The following GJC1 variants were observed in gnomAD, a reference collection of about 807,000 sequenced individuals.
GJC1 encodes gap junction protein gamma 1.
A neutral mutation model predicts 29.3 loss-of-function variants in GJC1; 5 were observed. The ratio of observed to expected loss-of-function variants is 0.17; its 90% CI spans 0.09 to 0.36. GJC1 has a LOEUF of 0.36. GJC1 is among the 10% of genes least tolerant of loss of function. The probability of loss-of-function intolerance (pLI) is 1.00; values close to 1 mark genes in which losing one functional copy is unlikely to be tolerated. For synonymous variants in GJC1, 177 were observed against 183.3 expected (o/e 0.97, Z 0.28); for missense variants, 310 against 496.2 (o/e 0.62, Z 3.56).
Position 44,800,538 on chromosome 17 carries a change from T to C in GJC1, c.*4089A>G, listed in dbSNP as rs781682636. On this transcript the variant is annotated 3_prime_UTR_variant, in exon 3 of 3. Coordinates refer to ENST00000592524, the MANE Select transcript of GJC1 (RefSeq NM_005497.4). ...CTAGCCAAAAATGTATCATCAACTA[T>C]CGATTTTATTTTCAGAAGTGGACTG... 1 of 152,218 alleles carries C rather than the reference T, an allele frequency of 6.6e-6. No individual in the cohort carries two copies. Among genetic ancestry groups the C allele is most frequent in the Non-Finnish European group, 1.5e-5 (1 of 68,048 alleles). 9.4% of individuals were successfully genotyped at this position (152,218 alleles called of 1,614,324 possible). A position where few individuals can be genotyped will look rare whatever the true frequency, so the allele number is the denominator to read the frequency against.
chr17:44,811,823 G>A (rs956788185), intron 1 of GJC1, among the ~76,000 whole-genome samples: 5 of 151,888 alleles, frequency 3.3e-5, no homozygotes, highest in Admixed American at 3.3e-4. Flanking sequence ...AGCTAACATG[G>A]TGAAACCCCG....
chr17:44,799,045 T>A lies in GJC1; in HGVS notation c.*5582A>T, dbSNP rs557976494. The A allele has an allele frequency of 1.3e-5, 2 of 152,406 alleles. No individual in the cohort carries two copies. The highest frequency in any genetic ancestry group is 4.8e-5 in the African/African-American group (2 of 41,572). The allele number at this position is 152,406 out of a possible 1,614,324, so 9.4% of individuals were successfully genotyped here. A position where few individuals can be genotyped will look rare whatever the true frequency, so the allele number is the denominator to read the frequency against. On this transcript the variant is annotated 3_prime_UTR_variant, in exon 3 of 3. Transcript: ENST00000592524. ...CCACCATACCTAATTTTTATATTTT[T>A]AGTAGAGACAGTTTTGCCATGTTGG... is the stretch of plus-strand genomic sequence containing the variant.
intron 1 of GJC1, among the ~76,000 whole-genome samples, chr17:44,824,066 G>A (rs144434904): frequency 2.3e-3 from 355 of 151,628 alleles, no homozygotes; most frequent in Non-Finnish European, 2.9e-3. Flanking sequence ...GGAGTGCAGC[G>A]GCACAATCTC....
At chr17:44,796,980 C>T (rs1359804700), downstream of GJC1, among the ~76,000 whole-genome samples, 8 of 151,930 alleles carry the variant, frequency 5.3e-5, no homozygotes, top group Admixed American at 3.9e-4. Flanking sequence ...CCAAGGAGCT[C>T]GGACTACAGG....
chr17:44,795,399 A>G (rs1266747658), downstream of GJC1, among the ~76,000 whole-genome samples: 2 of 151,916 alleles, frequency 1.3e-5, no homozygotes, highest in Admixed American at 6.6e-5. Flanking sequence ...GCGCCCAGCT[A>G]ATTTTTGTAT....
chr17:44,800,842 G>C lies in GJC1; in HGVS notation c.*3785C>G, dbSNP rs942858073. 6.6e-6 allele frequency: 1 copy of C among 150,960 alleles called. No individual in the cohort carries two copies. Among genetic ancestry groups the C allele is most frequent in the Non-Finnish European group, 1.5e-5 (1 of 67,918 alleles). The allele number at this position is 150,960 out of a possible 1,614,324, so 9.4% of individuals were successfully genotyped here. A position where few individuals can be genotyped will look rare whatever the true frequency, so the allele number is the denominator to read the frequency against. On this transcript the variant is annotated 3_prime_UTR_variant, in exon 3 of 3. Coordinates refer to ENST00000592524, the MANE Select transcript of GJC1 (RefSeq NM_005497.4). ...TCGTAACACTTCTGAGATGTACATG[G>C]CTCCTGAAACTTGAAAACAAAGCCA... is the stretch of plus-strand genomic sequence containing the variant.
At position 44,804,574 on chromosome 17, in the gene GJC1, G is replaced by C. The variant is rs572883314; in HGVS notation, c.*53C>G. 5.3e-6 allele frequency: 7 copies of C among 1,312,760 alleles called. No homozygotes were observed. The African/African-American group carries it at 7.3e-5, about 14-fold the overall frequency. 81.3% of individuals were successfully genotyped at this position (1,312,760 alleles called of 1,614,324 possible). A position where few individuals can be genotyped will look rare whatever the true frequency, so the allele number is the denominator to read the frequency against. Reference sequence around the variant, plus strand: ...TACTCAATGGAAGTCATTATTCAGTGAGCTGCTGCTTACCATAAACTATGA... The same window carrying C: ...TACTCAATGGAAGTCATTATTCAGTCAGCTGCTGCTTACCATAAACTATGA... On this transcript the variant is annotated 3_prime_UTR_variant, in exon 3 of 3. Coordinates refer to ENST00000592524, the MANE Select transcript of GJC1 (RefSeq NM_005497.4).
Position 44,804,561 on chromosome 17 carries a change from G to A in GJC1, c.*66C>T. 8.3e-7 allele frequency: 1 copy of A among 1,204,346 alleles called. No homozygotes were observed. The highest frequency in any genetic ancestry group is 1.4e-5 in the South Asian group (1 of 71,368). 74.6% of individuals were successfully genotyped at this position (1,204,346 alleles called of 1,614,324 possible). On this transcript the variant is annotated 3_prime_UTR_variant, in exon 3 of 3. Coordinates refer to ENST00000592524, the MANE Select transcript of GJC1 (RefSeq NM_005497.4). ...AGAGCCAAATGTTTACTCAATGGAA[G>A]TCATTATTCAGTGAGCTGCTGCTTA...
chr17:44,810,239 C>T (rs1048307200), intron 1 of GJC1, among the ~76,000 whole-genome samples: 5 of 152,136 alleles, frequency 3.3e-5, no homozygotes, highest in African/African-American at 1.2e-4. Context: ...TCAGGTAATC[C>T]GCCTGCCTCA....
chr17:44,823,575 C>T (rs1018309995), intron 1 of GJC1, among the ~76,000 whole-genome samples: 6 of 151,194 alleles, frequency 4.0e-5, no homozygotes, highest in Non-Finnish European at 7.4e-5. Context: ...TTTAAAATTT[C>T]TTATTTTTGT....
chr17:44,816,926 G>T (rs765103175), intron 1 of GJC1, among the ~76,000 whole-genome samples: 20 of 152,048 alleles, frequency 1.3e-4, no homozygotes, highest in Non-Finnish European at 2.9e-4. Flanking sequence ...TTTATAATTT[G>T]CCTGCCAGGC....
Position 44,801,288 on chromosome 17 carries a change from A to G in GJC1, c.*3339T>C, listed in dbSNP as rs1035896989. 1 of 152,032 alleles carries G rather than the reference A, an allele frequency of 6.6e-6. No homozygotes were observed. The highest frequency in any genetic ancestry group is 2.4e-5 in the African/African-American group (1 of 41,390). 9.4% of individuals were successfully genotyped at this position (152,032 alleles called of 1,614,324 possible). On this transcript the variant is annotated 3_prime_UTR_variant, in exon 3 of 3. Transcript: ENST00000592524. The stretch of plus-strand genomic sequence containing the variant: ...GACAAGAGCAAGACTCTGTCTTAAG[A>G]AAAAAAAGAGCAAAGGACACACCAC...
rs2049844347 is a variant in GJC1 at position 44,801,453 on chromosome 17, A to C, written c.*3174T>G. 6.6e-6 allele frequency: 1 copy of C among 152,180 alleles called. No homozygotes were observed. Among genetic ancestry groups the C allele is most frequent in the African/African-American group, 2.4e-5 (1 of 41,426 alleles). The allele number at this position is 152,180 out of a possible 1,614,324, so 9.4% of individuals were successfully genotyped here. On this transcript the variant is annotated 3_prime_UTR_variant, in exon 3 of 3. Transcript: ENST00000592524. Reference sequence around the variant, plus strand: ...TGGAGCATGTCTTATATGGCAATTCAAAACAGTATGATTCTGATGCGAGTG... The same window carrying C: ...TGGAGCATGTCTTATATGGCAATTCCAAACAGTATGATTCTGATGCGAGTG...
At position 44,801,882 on chromosome 17, in the gene GJC1, G is replaced by A. The variant is rs1223885044; in HGVS notation, c.*2745C>T. Reference sequence around the variant, plus strand: ...GGCCTCCTAAAGTGCTGGGATTACAGGTGTGAGCCACCGCGCCTGGCCCAT... The same window carrying A: ...GGCCTCCTAAAGTGCTGGGATTACAAGTGTGAGCCACCGCGCCTGGCCCAT... On this transcript the variant is annotated 3_prime_UTR_variant, in exon 3 of 3. Coordinates refer to ENST00000592524, the MANE Select transcript of GJC1 (RefSeq NM_005497.4). 6.6e-6 allele frequency: 1 copy of A among 152,166 alleles called. No homozygotes were observed. The highest frequency in any genetic ancestry group is 2.4e-5 in the African/African-American group (1 of 41,424). The allele number at this position is 152,166 out of a possible 1,614,324, so 9.4% of individuals were successfully genotyped here.
At chr17:44,814,080 T>C (rs2050014648) in intron 1 of GJC1, among the ~76,000 whole-genome samples, 1 of 152,156 alleles carries the variant, frequency 6.6e-6, no homozygotes, top group Admixed American at 6.6e-5. Flanking sequence ...TCACTGCCAA[T>C]TGTGGTCTCA....
intron 1 of GJC1, 98 bp from the exon 2 acceptor site, chr17:44,807,567 T>C (rs1374885774): frequency 1.3e-5 from 2 of 152,188 alleles, no homozygotes; most frequent in African/African-American, 2.4e-5. Context: ...AAGTTTTCTA[T>C]GTATCATAAA....
In GJC1 at chr17:44,801,435, T is replaced by C. The variant is rs2049844011; in HGVS notation, c.*3192A>G. ...GAGAAGCAAGTGTCATGATGGAGCA[T>C]GTCTTATATGGCAATTCAAAACAGT... On this transcript the variant is annotated 3_prime_UTR_variant, in exon 3 of 3. Transcript: ENST00000592524. The C allele has an allele frequency of 1.3e-5, 2 of 152,170 alleles. No individual in the cohort carries two copies. The highest frequency in any genetic ancestry group is 6.5e-5 in the Admixed American group (1 of 15,272). The allele number at this position is 152,170 out of a possible 1,614,324, so 9.4% of individuals were successfully genotyped here. A position where few individuals can be genotyped will look rare whatever the true frequency, so the allele number is the denominator to read the frequency against.
chr17:44,819,005 C>T (rs1439120988), intron 1 of GJC1, among the ~76,000 whole-genome samples: 1 of 151,782 alleles, frequency 6.6e-6, no homozygotes, highest in East Asian at 1.9e-4. Context: ...ACTAAAAACC[C>T]CCCTCATTAA....
intron 1 of GJC1, chr17:44,829,679 C>G (rs2050209628): frequency 6.6e-6 from 1 of 152,042 alleles, no homozygotes; most frequent in South Asian, 2.1e-4. Flanking sequence ...CGCCCCTAAC[C>G]GCCCGGGTAG....
Sources: allele counts gnomAD v4.1 joint callset (sites outside exome capture counted in the v4.1 genomes callset), GRCh38; gene constraint gnomAD v4.1.1; transcripts MANE v1.5; gene names NCBI Gene and HGNC (gene_info 2026-07-23, HGNC 2026-07-21).